Variants in GSE1 observed in about 807,000 individuals in gnomAD.
The protein encoded by GSE1 is genetic suppressor element 1.
A neutral mutation model predicts 112.6 loss-of-function variants in GSE1; 32 were observed. That is an observed-to-expected ratio of 0.28 (90% CI 0.21 to 0.38). The LOEUF (loss-of-function observed/expected upper bound fraction) is 0.38, where lower values mean the gene tolerates loss of function less well. Ranked by LOEUF, GSE1 falls within the 10% of genes least tolerant of loss-of-function variation. GSE1 has a pLI of 1.00. For synonymous variants in GSE1, 1,115 were observed against 735.6 expected (o/e 1.52, Z -8.35); for missense variants, 2,348 against 1,699.2 (o/e 1.38, Z -6.71).
chr16:85,308,832 C>T (rs963207994), intron 1 of GSE1, among the ~76,000 whole-genome samples: 19 of 149,498 alleles, frequency 1.3e-4, no homozygotes, highest in Non-Finnish European at 1.6e-4. Flanking sequence ...TCCAATTTTG[C>T]CACTACCATG....
At chr16:85,583,839 C>G (rs1459665167) in intron 1 of GSE1, among the ~76,000 whole-genome samples, 1 of 152,186 alleles carries the variant, frequency 6.6e-6, no homozygotes, top group Non-Finnish European at 1.5e-5. Flanking sequence ...CTGTCTGGAG[C>G]CTGCCTCCCC....
intron 2 of GSE1, among the ~76,000 whole-genome samples, chr16:85,404,713 G>A (rs375200347): frequency 3.8e-3 from 122 of 32,530 alleles, no homozygotes; most frequent in Middle Eastern, 0.028. Flanking sequence ...AATCCTCACT[G>A]TTACACTCAG....
chr16:85,560,150 T>TTTTTTTTTA (rs1179259849), intron 1 of GSE1, among the ~76,000 whole-genome samples: 3 of 145,126 alleles, frequency 2.1e-5, no homozygotes, highest in Non-Finnish European at 4.5e-5. Context: ...TTTTTTTTTT[T>TTTTTTTTTA]ATGTGAGACG....
chr16:85,455,653 C>T (rs2049806076), intron 2 of GSE1, among the ~76,000 whole-genome samples: 1 of 152,210 alleles, frequency 6.6e-6, no homozygotes, highest in South Asian at 2.1e-4. Context: ...AGATCAGAGA[C>T]AGACTCAGGG....
At chr16:85,208,759 TG>T (rs1355990568) in intron 1 of GSE1, among the ~76,000 whole-genome samples, 2 of 88,238 alleles carry the variant, frequency 2.3e-5, no homozygotes, top group Non-Finnish European at 4.6e-5. Context: ...GATTAGCGGA[TG>T]GGGGTGGGGG....
chr16:85,600,162 C>G (rs951098440), intron 1 of GSE1, among the ~76,000 whole-genome samples: 15 of 152,216 alleles, frequency 9.9e-5, no homozygotes, highest in Admixed American at 2.6e-4. Context: ...TTGAGCTGAG[C>G]CTGCTTTTAA....
intron 1 of GSE1, among the ~76,000 whole-genome samples, chr16:85,181,720 G>C (rs958080144): frequency 6.6e-6 from 1 of 152,192 alleles, no homozygotes; most frequent in Non-Finnish European, 1.5e-5. Context: ...GAAAAGTGGC[G>C]TGGGGCCTCC....
intron 2 of GSE1, among the ~76,000 whole-genome samples, chr16:85,539,264 C>T (rs1432144077): frequency 6.6e-6 from 1 of 152,222 alleles, no homozygotes; most frequent in Non-Finnish European, 1.5e-5. Context: ...CTGCTTGGTG[C>T]CCCTGCTATT....
chr16:85,389,706 CAGA>C (rs879483837), intron 2 of GSE1, among the ~76,000 whole-genome samples: 2 of 152,176 alleles, frequency 1.3e-5, no homozygotes, highest in East Asian at 3.9e-4. Flanking sequence ...CTTCCATATA[CAGA>C]AGAATAATCC....
chr16:85,259,243 C>T (rs375909132), intron 1 of GSE1, among the ~76,000 whole-genome samples: 1 of 152,248 alleles, frequency 6.6e-6, no homozygotes. Context: ...CCGCACGGCC[C>T]CACTATGTGC....
At chr16:85,388,200 A>G (rs978479056) in intron 2 of GSE1, among the ~76,000 whole-genome samples, 3 of 145,970 alleles carry the variant, frequency 2.1e-5, no homozygotes, top group African/African-American at 7.7e-5. Context: ...GGATGGATGG[A>G]TGGAGGGATG....
intron 1 of GSE1, among the ~76,000 whole-genome samples, chr16:85,217,758 C>T (rs890204113): frequency 6.6e-6 from 1 of 152,172 alleles, no homozygotes; most frequent in Non-Finnish European, 1.5e-5. Context: ...CTGTTGCCCA[C>T]GTCATTTTTC....
chr16:85,341,535 G>A (rs1281341326), intron 1 of GSE1, among the ~76,000 whole-genome samples: 1 of 152,130 alleles, frequency 6.6e-6, no homozygotes, highest in Non-Finnish European at 1.5e-5. Flanking sequence ...GCAGGCACCT[G>A]TAATCCCAGC....
chr16:85,259,482 C>T (rs938932901), intron 1 of GSE1, among the ~76,000 whole-genome samples: 2 of 152,232 alleles, frequency 1.3e-5, no homozygotes, highest in African/African-American at 4.8e-5. Flanking sequence ...AGCTGTCCTG[C>T]GGGGTGTGGG....
At chr16:85,434,345 A>ATTATCATC in intron 2 of GSE1, among the ~76,000 whole-genome samples, 1 of 143,498 alleles carries the variant, frequency 7.0e-6, no homozygotes, top group African/African-American at 2.5e-5. Flanking sequence ...TAATAATAAT[A>ATTATCATC]ATCAGTGCCG....
intron 1 of GSE1, among the ~76,000 whole-genome samples, chr16:85,266,967 G>A (rs1908310344): frequency 6.6e-6 from 1 of 152,220 alleles, no homozygotes. Flanking sequence ...GAGGGAGCCT[G>A]CAGGGGGATG....
chr16:85,618,766 T>C (rs1017966034), intron 1 of GSE1, among the ~76,000 whole-genome samples: 1 of 152,246 alleles, frequency 6.6e-6, no homozygotes, highest in Non-Finnish European at 1.5e-5. Context: ...CAAGTGATCC[T>C]GCTGCCGCAG....
intron 1 of GSE1, among the ~76,000 whole-genome samples, chr16:85,334,887 C>A (rs190050541): frequency 6.6e-6 from 1 of 152,008 alleles, no homozygotes; most frequent in Non-Finnish European, 1.5e-5. Flanking sequence ...TGTCTGCACC[C>A]GGAAGAGAGC....
chr16:85,597,373 CAAAAAA>C (rs1165062872), intron 1 of GSE1, among the ~76,000 whole-genome samples: 3 of 31,846 alleles, frequency 9.4e-5, no homozygotes, highest in Non-Finnish European at 1.3e-4. Context: ...GACTCTGTCT[CAAAAAA>C]AAAAAAAAAA....
Sources: allele counts gnomAD v4.1 joint callset (sites outside exome capture counted in the v4.1 genomes callset), GRCh38; gene constraint gnomAD v4.1.1; transcripts MANE v1.5; gene names NCBI Gene and HGNC (gene_info 2026-07-23, HGNC 2026-07-21).